NLGN1: variants seen among roughly 807,000 people sequenced by gnomAD.
The protein encoded by NLGN1 is neuroligin 1.
NLGN1 carries 12 observed loss-of-function variants against 65.5 expected under a neutral mutation model. The ratio of observed to expected loss-of-function variants is 0.18; its 90% CI spans 0.12 to 0.30. NLGN1 has a LOEUF of 0.30. Ranked by LOEUF, NLGN1 falls within the 10% of genes least tolerant of loss-of-function variation. The probability of loss-of-function intolerance (pLI) is 1.00; values close to 1 mark genes in which losing one functional copy is unlikely to be tolerated. For missense variants in NLGN1, 750 were observed against 1,007.1 expected (o/e 0.74, Z 3.46); for synonymous variants, 350 against 359.5 (o/e 0.97, Z 0.30).
rs1405095956 is a variant in NLGN1, at chr3:173,558,679, T to TC, written c.-320-45596dup. Among the ~76,000 whole-genome samples, 3 of 152,276 alleles carry TC rather than the reference T, an allele frequency of 2.0e-5. No individual in the cohort carries two copies. The East Asian group carries it at 5.8e-4, about 29-fold the overall frequency. On this transcript the variant is annotated intron_variant, in intron 2 of 6. Transcript: ENST00000457714. ...AATCTCTTCATTCATTATATCCATT[T>TC]CCCCTCGACCTTTTAAAATCATAGT...
intron 2 of NLGN1, among the ~76,000 whole-genome samples, chr3:173,542,716 C>A (rs1443850635): frequency 6.6e-6 from 1 of 151,996 alleles, no homozygotes; most frequent in Non-Finnish European, 1.5e-5. Context: ...TAGAGGCTTT[C>A]ATTCTAACCC....
intron 4 of NLGN1, among the ~76,000 whole-genome samples, chr3:174,246,743 AT>A (rs35025251): frequency 0.48 from 71,581 of 150,252 alleles, 17,387 homozygotes; most frequent in East Asian, 0.59. Context: ...TAATAAAGCT[AT>A]TTTTTTTTTT....
At chr3:174,216,156 G>A (rs1031406385) in intron 4 of NLGN1, among the ~76,000 whole-genome samples, 2 of 152,062 alleles carry the variant, frequency 1.3e-5, no homozygotes, top group Non-Finnish European at 2.9e-5. Flanking sequence ...TACAAATTTA[G>A]GTGTTGCATT....
In NLGN1 at chr3:173,899,455, C is replaced by T. The variant is rs116371571; in HGVS notation, c.646+91623C>T. ...CTTGGCAATTTTTTAAACCAATTCT[C>T]GTTAAATGAGTCTAGCTAGATTAAA... On this transcript the variant is annotated intron_variant, in intron 4 of 6. Coordinates refer to ENST00000457714, the Ensembl canonical transcript of NLGN1. Among the ~76,000 whole-genome samples, 769 of 152,154 alleles carry T rather than the reference C, an allele frequency of 5.1e-3. 9 individuals carry two copies. Among genetic ancestry groups the T allele is most frequent in the African/African-American group, 0.018 (736 of 41,532 alleles).
At chr3:174,162,840 A>G (rs1726794620) in intron 4 of NLGN1, among the ~76,000 whole-genome samples, 1 of 151,316 alleles carries the variant, frequency 6.6e-6, no homozygotes, top group Admixed American at 6.6e-5. Context: ...GAGAGAAAAG[A>G]AAAAAAATCG....
intron 4 of NLGN1, among the ~76,000 whole-genome samples, chr3:174,019,324 G>T (rs1193861782): frequency 6.6e-6 from 1 of 152,108 alleles, no homozygotes; most frequent in East Asian, 1.9e-4. Context: ...AAATGGGGCT[G>T]CCATGGATAG....
At chr3:174,183,281 C>A (rs1730782587) in intron 4 of NLGN1, among the ~76,000 whole-genome samples, 1 of 152,058 alleles carries the variant, frequency 6.6e-6, no homozygotes, top group African/African-American at 2.4e-5. Context: ...CTTTTTGAGT[C>A]CATAGCATAT....
chr3:173,480,983 T>G (rs1727186452), intron 2 of NLGN1, among the ~76,000 whole-genome samples: 1 of 152,084 alleles, frequency 6.6e-6, no homozygotes, highest in African/African-American at 2.4e-5. Flanking sequence ...TTCTAAATAC[T>G]TCACATACAT....
chr3:173,578,235 CAA>C (rs34436890), intron 2 of NLGN1, among the ~76,000 whole-genome samples: 7 of 128,508 alleles, frequency 5.4e-5, no homozygotes, highest in Admixed American at 7.9e-5. Context: ...GACTCCGTCT[CAA>C]AAAAAAAAAA....
At chr3:173,948,166 T>C (rs996671621) in intron 4 of NLGN1, among the ~76,000 whole-genome samples, 3 of 152,224 alleles carry the variant, frequency 2.0e-5, no homozygotes, top group African/African-American at 7.2e-5. Flanking sequence ...GGTTTCCTTT[T>C]TAGAGTTGGT....
intron 2 of NLGN1, among the ~76,000 whole-genome samples, chr3:173,516,750 G>T (rs529094677): frequency 3.4e-4 from 51 of 152,054 alleles, no homozygotes; most frequent in Non-Finnish European, 6.6e-4. Context: ...TTCTCTATCA[G>T]ACATATTGCT....
chr3:174,082,302 A>C (rs1221254615), intron 4 of NLGN1, among the ~76,000 whole-genome samples: 2 of 152,120 alleles, frequency 1.3e-5, no homozygotes, highest in African/African-American at 2.4e-5. Context: ...TGCCCATCCT[A>C]ATGTTCTTTT....
At chr3:174,052,817 G>A (rs906061828) in intron 4 of NLGN1, among the ~76,000 whole-genome samples, 1 of 151,968 alleles carries the variant, frequency 6.6e-6, no homozygotes, top group Non-Finnish European at 1.5e-5. Flanking sequence ...TTCACTATCA[G>A]TAAATTTCCA....
intron 1 of NLGN1, among the ~76,000 whole-genome samples, chr3:173,431,058 C>T (rs924256885): frequency 6.6e-6 from 1 of 152,282 alleles, no homozygotes; most frequent in Non-Finnish European, 1.5e-5. Context: ...TCAGTATATA[C>T]TCATTCTATT....
intron 3 of NLGN1, among the ~76,000 whole-genome samples, chr3:173,782,130 T>C (rs151332188): frequency 0.019 from 2,832 of 152,024 alleles, 28 homozygotes; most frequent in Non-Finnish European, 0.031. Flanking sequence ...CTAGGGTATA[T>C]TGGGGATAGG....
At chr3:173,634,610 A>T (rs1445515802) in intron 3 of NLGN1, among the ~76,000 whole-genome samples, 1 of 152,154 alleles carries the variant, frequency 6.6e-6, no homozygotes, top group Non-Finnish European at 1.5e-5. Context: ...GGAAAGTGTC[A>T]TGATTCATTT....
intron 3 of NLGN1, among the ~76,000 whole-genome samples, chr3:173,613,476 A>T (rs1650531244): frequency 6.6e-6 from 1 of 152,116 alleles, no homozygotes; most frequent in South Asian, 2.1e-4. Flanking sequence ...ATGCTTTTAT[A>T]AATCCAAGTG....
intron 4 of NLGN1, among the ~76,000 whole-genome samples, chr3:174,211,576 A>C (rs1736535433): frequency 6.6e-6 from 1 of 151,112 alleles, no homozygotes; most frequent in Non-Finnish European, 1.5e-5. Flanking sequence ...CTAGACATAA[A>C]GGTTCTCCAC....
chr3:173,483,250 A>G (rs13327385), intron 2 of NLGN1, among the ~76,000 whole-genome samples: 27,531 of 152,006 alleles, frequency 0.18, 2,673 homozygotes, highest in Middle Eastern at 0.27. Flanking sequence ...TAGTTTTCAT[A>G]TCAGGATATA....
Sources: gnomAD v4.1 joint callset for allele counts (sites outside exome capture counted in the v4.1 genomes callset) on GRCh38, gnomAD v4.1.1 for gene constraint, MANE v1.5 for transcripts, NCBI Gene and HGNC (gene_info 2026-07-23, HGNC 2026-07-21) for gene names.